HHIP: variants seen among roughly 807,000 people sequenced by gnomAD.
HHIP encodes hedgehog-interacting protein.
Under a neutral mutation model 74.0 loss-of-function variants are expected in HHIP, and 12 were observed. That is an observed-to-expected ratio of 0.16 (90% CI 0.10 to 0.26). The LOEUF (loss-of-function observed/expected upper bound fraction) is 0.26, where lower values mean the gene tolerates loss of function less well. Ranked by LOEUF, HHIP falls within the 10% of genes least tolerant of loss-of-function variation. HHIP has a pLI of 1.00. For missense variants in HHIP, 788 were observed against 845.0 expected (o/e 0.93, Z 0.84); for synonymous variants, 309 against 311.6 (o/e 0.99, Z 0.09).
intron 4 of HHIP, among the ~76,000 whole-genome samples, chr4:144,701,741 T>G (rs79405299): frequency 0.01 from 1,524 of 152,314 alleles, 27 homozygotes; most frequent in African/African-American, 0.035. Context: ...AGTTTATGTT[T>G]CATGGCTTTC....
rs1252638330 is a variant in HHIP at position 144,734,804 on chromosome 4, C to T, written c.1824C>T (p.Cys608=). 1.9e-6 allele frequency: 3 copies of T among 1,613,004 alleles called. No individual in the cohort carries two copies. Among genetic ancestry groups the T allele is most frequent in the African/African-American group, 2.7e-5 (2 of 74,886 alleles). The change falls in exon 12 of 13, where the codon TGC becomes TGT. Residue 608 remains cysteine (C), a synonymous_variant. Transcript: ENST00000296575. The part of the protein sequence containing the change: ...VQPAQTLTSE[C]SRLCRNGYCT... The stretch of plus-strand genomic sequence containing the variant: ...CTGCACAGACACTGACTTCAGAGTG[C>T]TCCAGGCTCTGTCGAAACGGCTACT...
rs553711555 is a variant in HHIP at position 144,647,951 on chromosome 4, GA to G, written c.279+1001del. 1.1e-4 allele frequency among the ~76,000 whole-genome samples: 16 copies of G among 151,616 alleles called. No individual in the cohort carries two copies. The South Asian group carries it at 3.3e-3, about 32-fold the overall frequency. ...GTTGTCAAGGTCTGAGAGACTCTTGGAAAACTTGTGCTTCAGTCTTGCTGGC... is the reference window on the plus strand; with the variant it reads ...GTTGTCAAGGTCTGAGAGACTCTTGGAAACTTGTGCTTCAGTCTTGCTGGC... On this transcript the variant is annotated intron_variant, in intron 1 of 12. Transcript: ENST00000296575.
chr4:144,693,393 T>C (rs921205010), intron 4 of HHIP, among the ~76,000 whole-genome samples: 1 of 152,086 alleles, frequency 6.6e-6, no homozygotes, highest in Non-Finnish European at 1.5e-5. Flanking sequence ...GATCCAAAAT[T>C]GTATTAATCA....
rs115369243 is a variant in HHIP at position 144,691,790 on chromosome 4, C to T, written c.832-14741C>T. ...CTAAGTACCATCAGCAATGCCTCCT[C>T]CAAAGCCCTCACTCTAAAGTCACTT... On this transcript the variant is annotated intron_variant, in intron 4 of 12. Coordinates refer to ENST00000296575, the MANE Select transcript of HHIP (RefSeq NM_022475.3). Among the ~76,000 whole-genome samples the T allele has an allele frequency of 5.7e-3, 874 of 152,076 alleles. 8 individuals carry two copies. The highest frequency in any genetic ancestry group is 0.02 in the African/African-American group (847 of 41,476).
In HHIP at chr4:144,707,200, A is replaced by G. The variant is rs1287496694; in HGVS notation, c.1097A>G (p.Tyr366Cys). Residue 366 changes from tyrosine (Y) to cysteine (C), a missense_variant, in exon 6 of 13, where the codon TAC becomes TGC. Tyr to Cys is a radical substitution (Grantham distance 194). Coordinates refer to ENST00000296575, the MANE Select transcript of HHIP (RefSeq NM_022475.3). ...CTCTTTGGCCCTGACGGCTTTTTGT[A>G]CATCATTCTTGGTGATGGGATGATT... ...QLLFGPDGFL[Y>C]IILGDGMITL... The G allele has an allele frequency of 6.2e-7, 1 of 1,614,088 alleles. No homozygotes were observed. Among genetic ancestry groups the G allele is most frequent in the East Asian group, 2.2e-5 (1 of 44,878 alleles).
At chr4:144,688,271 G>GA (rs1016729139) in intron 4 of HHIP, among the ~76,000 whole-genome samples, 49 of 149,974 alleles carry the variant, frequency 3.3e-4, no homozygotes, top group African/African-American at 5.6e-4. Flanking sequence ...GTTGAAGCAG[G>GA]AAAAAAAAAA....
intron 4 of HHIP, among the ~76,000 whole-genome samples, chr4:144,671,318 G>GTTTTTTTTTTTTTTTTTT (rs59957249): frequency 7.0e-6 from 1 of 142,728 alleles, no homozygotes; most frequent in Non-Finnish European, 1.5e-5. Context: ...CAAGGAGGGT[G>GTTTTTTTTTTTTTTTTTT]TTTTTTTTTT....
chr4:144,697,689 C>A (rs1729857794), intron 4 of HHIP, among the ~76,000 whole-genome samples: 1 of 151,902 alleles, frequency 6.6e-6, no homozygotes, highest in Non-Finnish European at 1.5e-5. Flanking sequence ...TTCCACTTGA[C>A]AAATATAAAT....
At chr4:144,677,046 CTG>C (rs1729187764) in intron 4 of HHIP, among the ~76,000 whole-genome samples, 1 of 152,154 alleles carries the variant, frequency 6.6e-6, no homozygotes, top group Non-Finnish European at 1.5e-5. Context: ...GCTAGGGACT[CTG>C]TGTCTCTTCT....
intron 4 of HHIP, among the ~76,000 whole-genome samples, chr4:144,665,511 T>G (rs903438237): frequency 6.6e-6 from 1 of 152,220 alleles, no homozygotes; most frequent in African/African-American, 2.4e-5. Flanking sequence ...TCAATTTTCA[T>G]GTAAGTTTAA....
chr4:144,741,961 T>C lies in HHIP; in HGVS notation c.*4004T>C, dbSNP rs573121660. ...TAAAATGTTACCTATACTGTCAGTG[T>C]TCACCTCCTCTCCCTCCCTCCTTCT... is the stretch of plus-strand genomic sequence containing the variant. On this transcript the variant is annotated 3_prime_UTR_variant, in exon 13 of 13. Coordinates refer to ENST00000296575, the MANE Select transcript of HHIP (RefSeq NM_022475.3). 6.6e-6 allele frequency: 1 copy of C among 152,036 alleles called. No individual in the cohort carries two copies. Among genetic ancestry groups the C allele is most frequent in the African/African-American group, 2.4e-5 (1 of 41,480 alleles). 9.4% of individuals were successfully genotyped at this position (152,036 alleles called of 1,614,324 possible).
intron 4 of HHIP, among the ~76,000 whole-genome samples, chr4:144,685,918 C>T (rs1203803378): frequency 1.3e-5 from 2 of 152,148 alleles, no homozygotes; most frequent in East Asian, 1.9e-4. Context: ...CAAAGTTTCC[C>T]GTAAAGTTCT....
intron 4 of HHIP, chr4:144,660,051 ATTGATAT>A: frequency 1.8e-6 from 1 of 557,142 alleles, no homozygotes; most frequent in East Asian, 2.9e-5. Flanking sequence ...CTGCAATCGA[ATTGATAT>A]TTGACATGCT....
In HHIP at chr4:144,714,959, C is replaced by T. The variant is rs563981960; in HGVS notation, c.1548-341C>T. 5 of 185,340 alleles carry T rather than the reference C, an allele frequency of 2.7e-5. No homozygotes were observed. The South Asian group carries it at 5.7e-4, about 21-fold the overall frequency. 11.5% of individuals were successfully genotyped at this position (185,340 alleles called of 1,614,324 possible). A position where few individuals can be genotyped will look rare whatever the true frequency, so the allele number is the denominator to read the frequency against. ...CGCTACAAGGAACTAGAAAAATGTA[C>T]TGACCCCATGCTCTTCCCCTGTTCC... On this transcript the variant is annotated intron_variant, in intron 9 of 12. Coordinates refer to ENST00000296575, the MANE Select transcript of HHIP (RefSeq NM_022475.3).
intron 4 of HHIP, among the ~76,000 whole-genome samples, chr4:144,701,313 C>G (rs1729977282): frequency 1.6e-5 from 2 of 126,654 alleles, no homozygotes; most frequent in African/African-American, 3.1e-5. Flanking sequence ...TGTAATTAAG[C>G]TGTTTTTTTC....
At chr4:144,684,730 T>C (rs983307237) in intron 4 of HHIP, among the ~76,000 whole-genome samples, 2 of 152,222 alleles carry the variant, frequency 1.3e-5, no homozygotes, top group African/African-American at 4.8e-5. Context: ...CTTTGAATTT[T>C]TTAGGACATC....
At chr4:144,658,522 C>A (rs1343572731) in intron 2 of HHIP, among the ~76,000 whole-genome samples, 4 of 152,004 alleles carry the variant, frequency 2.6e-5, no homozygotes. Flanking sequence ...GCGCATGCCA[C>A]CATGCCCTGC....
At chr4:144,731,626 G>T (rs1730957509) in intron 11 of HHIP, among the ~76,000 whole-genome samples, 1 of 151,924 alleles carries the variant, frequency 6.6e-6, no homozygotes, top group Non-Finnish European at 1.5e-5. Flanking sequence ...CACCATATTG[G>T]CCAGGCTGGT....
chr4:144,744,566 A>T lies in HHIP; in HGVS notation c.*6609A>T, dbSNP rs1425351006. On this transcript the variant is annotated 3_prime_UTR_variant, in exon 13 of 13. Transcript: ENST00000296575. ...ATATGTACTAGGTGAGATTTCTATA[A>T]ATGTCTGAAAAGTTACATGCATAGT... 1 of 152,184 alleles carries T rather than the reference A, an allele frequency of 6.6e-6. No homozygotes were observed. The highest frequency in any genetic ancestry group is 1.5e-5 in the Non-Finnish European group (1 of 68,024). 9.4% of individuals were successfully genotyped at this position (152,184 alleles called of 1,614,324 possible).
Sources: allele counts gnomAD v4.1 joint callset (sites outside exome capture counted in the v4.1 genomes callset), GRCh38; gene constraint gnomAD v4.1.1; transcripts MANE v1.5; gene names NCBI Gene and HGNC (gene_info 2026-07-23, HGNC 2026-07-21).